Variants in RFTN1 observed in about 807,000 individuals in gnomAD.
The protein encoded by RFTN1 is raftlin, lipid raft linker 1, also known as raftlin.
In RFTN1, 26 loss-of-function variants were observed where a neutral mutation model predicts 46.5. That is an observed-to-expected ratio of 0.56 (90% confidence interval 0.41 to 0.78). The LOEUF (loss-of-function observed/expected upper bound fraction) is 0.78. Ranked by LOEUF, RFTN1 falls within the 30% of genes least tolerant of loss-of-function variation. The pLI, the probability that RFTN1 is intolerant of heterozygous loss-of-function variation, is 0.00. For synonymous variants in RFTN1, 261 were observed against 284.2 expected (o/e 0.92, Z 0.82); for missense variants, 693 against 718.7 (o/e 0.96, Z 0.41).
chr3:16,328,895 G>T (rs1344836799), intron 7 of RFTN1, among the ~76,000 whole-genome samples: 1 of 152,086 alleles, frequency 6.6e-6, no homozygotes, highest in Non-Finnish European at 1.5e-5. Context: ...TTCTCCATGA[G>T]AAAAAAATAT....
chr3:16,403,664 ATG>A (rs367814012), intron 4 of RFTN1, among the ~76,000 whole-genome samples: 5 of 33,098 alleles, frequency 1.5e-4, no homozygotes, highest in Non-Finnish European at 2.0e-4. Context: ...TATATATTTT[ATG>A]TATATAATAT....
rs1559369478 is a variant in RFTN1 at position 16,483,051 on chromosome 3, G to C, written c.145+10674C>G. ...TCCAAGGTTTGTTTGTTTTTACTTAGAAAAAATGCCATCAACGTCAGTGAC... is the reference window on the plus strand; with the variant it reads ...TCCAAGGTTTGTTTGTTTTTACTTACAAAAAATGCCATCAACGTCAGTGAC... On this transcript the variant is annotated intron_variant, in intron 2 of 9. Transcript: ENST00000334133. This position sits in a 1 kb window ranked among gnomAD's most constrained non-coding sequence, Gnocchi z 4.8. Among the ~76,000 whole-genome samples the C allele has an allele frequency of 1.3e-5, 2 of 152,150 alleles. No homozygotes were observed. Among genetic ancestry groups the C allele is most frequent in the Admixed American group, 6.5e-5 (1 of 15,278 alleles).
chr3:16,397,979 G>T lies in RFTN1; in HGVS notation c.441+11396C>A, dbSNP rs187112822. ...GAAGCATCATGGGCCGGGCGCGGTGGCTCACGCCTATAATCCCAGCACTTT... is the reference window on the plus strand; with the variant it reads ...GAAGCATCATGGGCCGGGCGCGGTGTCTCACGCCTATAATCCCAGCACTTT... On this transcript the variant is annotated intron_variant, in intron 4 of 9. Coordinates refer to ENST00000334133, the MANE Select transcript of RFTN1 (RefSeq NM_015150.2). 1.1e-3 allele frequency among the ~76,000 whole-genome samples: 163 copies of T among 152,262 alleles called. 3 individuals carry two copies. In the South Asian group the frequency reaches 0.018, roughly 17 times the overall value.
chr3:16,476,050 G>A (rs1347910679), intron 2 of RFTN1, among the ~76,000 whole-genome samples: 4 of 152,210 alleles, frequency 2.6e-5, no homozygotes, highest in Non-Finnish European at 5.9e-5. Context: ...TGAATGCTGA[G>A]AATCTGAAGG....
intron 1 of RFTN1, among the ~76,000 whole-genome samples, chr3:16,503,128 G>C (rs777935327): frequency 2.6e-5 from 4 of 152,120 alleles, no homozygotes; most frequent in Non-Finnish European, 5.9e-5. Context: ...ATCTCAGTCT[G>C]TCTCAGGAGG....
In RFTN1 at chr3:16,384,054, G is replaced by A. The variant is rs1176670794; in HGVS notation, c.442-5952C>T. Among the ~76,000 whole-genome samples the A allele has an allele frequency of 6.6e-6, 1 of 152,156 alleles. No individual in the cohort carries two copies. The highest frequency in any genetic ancestry group is 1.5e-5 in the Non-Finnish European group (1 of 68,040). On this transcript the variant is annotated intron_variant, in intron 4 of 9. Transcript: ENST00000334133. The surrounding 1 kb of genome is among the most constrained non-coding windows in gnomAD (Gnocchi z 4.7). Reference sequence around the variant, plus strand: ...GTAAAGTGGATTCCTCCATTATTAGGTGGGTCTCATCTAATCAGGTGAAGG... The same window carrying A: ...GTAAAGTGGATTCCTCCATTATTAGATGGGTCTCATCTAATCAGGTGAAGG...
chr3:16,463,490 A>C (rs796812918), intron 2 of RFTN1, among the ~76,000 whole-genome samples: 6 of 152,134 alleles, frequency 3.9e-5, no homozygotes, highest in African/African-American at 1.2e-4. Flanking sequence ...TCTTAATTGC[A>C]GATATCTTTT....
At chr3:16,360,174 C>CT (rs201914116) in intron 6 of RFTN1, among the ~76,000 whole-genome samples, 2,864 of 146,094 alleles carry the variant, frequency 0.02, 42 homozygotes, top group Non-Finnish European at 0.029. Context: ...ATTGCAGTTT[C>CT]TTTTTTTTTT....
At chr3:16,485,929 A>G (rs1158553682) in intron 2 of RFTN1, among the ~76,000 whole-genome samples, 1 of 152,240 alleles carries the variant, frequency 6.6e-6, no homozygotes, top group East Asian at 1.9e-4. Flanking sequence ...GTTACCTGCC[A>G]AATCAATTTC....
At chr3:16,438,209 T>A (rs1488395533) in intron 2 of RFTN1, among the ~76,000 whole-genome samples, 2 of 152,134 alleles carry the variant, frequency 1.3e-5, no homozygotes, top group Admixed American at 6.5e-5. Flanking sequence ...TAAACCTTTA[T>A]TGAGAGTTTG....
chr3:16,450,727 T>C lies in RFTN1; in HGVS notation c.146-16690A>G, dbSNP rs536983500. Among the ~76,000 whole-genome samples the C allele has an allele frequency of 6.6e-6, 1 of 152,334 alleles. No individual in the cohort carries two copies. On this transcript the variant is annotated intron_variant, in intron 2 of 9. Transcript: ENST00000334133. This position sits in a 1 kb window ranked among gnomAD's most constrained non-coding sequence, Gnocchi z 4.6. ...GTTCCACAACCTTCAGAGAAGGTGT[T>C]ATTTTGCCTTCTCTTACCTTTTCAT...
Position 16,440,785 on chromosome 3 carries a change from AT to A in RFTN1, c.146-6749del, listed in dbSNP as rs947016766. On this transcript the variant is annotated intron_variant, in intron 2 of 9. Transcript: ENST00000334133. The surrounding 1 kb of genome is among the most constrained non-coding windows in gnomAD (Gnocchi z 4.6). Reference sequence around the variant, plus strand: ...TCTTTAAATGTGACAAGTAACTGTAATTTTTTTCTCAATCCCATATGGCCAA... The same window carrying A: ...TCTTTAAATGTGACAAGTAACTGTAATTTTTTCTCAATCCCATATGGCCAA... Among the ~76,000 whole-genome samples, 1 of 152,044 alleles carries A rather than the reference AT, an allele frequency of 6.6e-6. No individual in the cohort carries two copies. The highest frequency in any genetic ancestry group is 2.4e-5 in the African/African-American group (1 of 41,388).
At chr3:16,467,902 T>G (rs143793998) in intron 2 of RFTN1, among the ~76,000 whole-genome samples, 85 of 152,220 alleles carry the variant, frequency 5.6e-4, no homozygotes, top group Non-Finnish European at 8.1e-4. Flanking sequence ...CACTCGTGCA[T>G]TTTGGCAGCA....
At chr3:16,430,898 C>A (rs1559343223) in intron 3 of RFTN1, among the ~76,000 whole-genome samples, 1 of 152,326 alleles carries the variant, frequency 6.6e-6, no homozygotes, top group African/African-American at 2.4e-5. Flanking sequence ...AAAGTAAGTT[C>A]ATTTGTTCAT....
In RFTN1 at chr3:16,468,334, G is replaced by A. The variant is rs1040599885; in HGVS notation, c.145+25391C>T. Among the ~76,000 whole-genome samples, 2 of 152,056 alleles carry A rather than the reference G, an allele frequency of 1.3e-5. No homozygotes were observed. Among genetic ancestry groups the A allele is most frequent in the Admixed American group, 6.5e-5 (1 of 15,270 alleles). On this transcript the variant is annotated intron_variant, in intron 2 of 9. Coordinates refer to ENST00000334133, the MANE Select transcript of RFTN1 (RefSeq NM_015150.2). The surrounding 1 kb of genome is among the most constrained non-coding windows in gnomAD (Gnocchi z 4.4). ...TTTTGAAGTACCTGCATTCTGTCTC[G>A]AGTTTCCGGTAGATAAGTAGGGCTC...
intron 3 of RFTN1, among the ~76,000 whole-genome samples, chr3:16,431,361 C>T (rs1412555513): frequency 6.6e-6 from 1 of 152,162 alleles, no homozygotes; most frequent in Non-Finnish European, 1.5e-5. Flanking sequence ...TCAGCATCTG[C>T]CCCATCTGGA....
intron 2 of RFTN1, among the ~76,000 whole-genome samples, chr3:16,454,306 C>T (rs1456067984): frequency 6.6e-6 from 1 of 152,214 alleles, no homozygotes; most frequent in Non-Finnish European, 1.5e-5. Flanking sequence ...TGAGACCATG[C>T]CGTGCTGACT....
chr3:16,490,216 A>T (rs1359483000), intron 2 of RFTN1, among the ~76,000 whole-genome samples: 2 of 152,260 alleles, frequency 1.3e-5, no homozygotes, highest in Middle Eastern at 3.2e-3. Flanking sequence ...GGTTTAATAT[A>T]TGATGTAATC....
chr3:16,402,587 T>C lies in RFTN1; in HGVS notation c.441+6788A>G, dbSNP rs541796235. Among the ~76,000 whole-genome samples the C allele has an allele frequency of 6.6e-6, 1 of 152,300 alleles. No homozygotes were observed. The highest frequency in any genetic ancestry group is 1.9e-4 in the East Asian group (1 of 5,194). ...AAAATTAGACTCTCTGCACCGCACTTGTAGAAATGAAACTCTGAATACTCA... is the reference window on the plus strand; with the variant it reads ...AAAATTAGACTCTCTGCACCGCACTCGTAGAAATGAAACTCTGAATACTCA... On this transcript the variant is annotated intron_variant, in intron 4 of 9. Transcript: ENST00000334133. The surrounding 1 kb of genome is among the most constrained non-coding windows in gnomAD (Gnocchi z 4.5).
Sources: gnomAD v4.1 joint callset for allele counts (sites outside exome capture counted in the v4.1 genomes callset) on GRCh38, gnomAD v4.1.1 for gene constraint, Gnocchi (gnomAD v3.1) non-coding constraint, MANE v1.5 for transcripts, NCBI Gene and HGNC (gene_info 2026-07-23, HGNC 2026-07-21) for gene names.